Variants in PRKCB observed in about 807,000 individuals in gnomAD.
PRKCB encodes protein kinase C beta type.
In PRKCB, 13 loss-of-function variants were observed where a neutral mutation model predicts 81.5. That is an observed-to-expected ratio of 0.16 (90% CI 0.10 to 0.25). PRKCB has a LOEUF of 0.25. Among genes scored for constraint, PRKCB ranks in the 10% least tolerant of loss-of-function variants. The probability of loss-of-function intolerance (pLI) is 1.00; values close to 1 mark genes in which losing one functional copy is unlikely to be tolerated. For synonymous variants in PRKCB, 335 were observed against 321.4 expected, an observed-to-expected ratio of 1.04 and a Z score of -0.45; for missense variants, 509 against 875.7, an observed-to-expected ratio of 0.58 and a Z score of 5.29.
intron 2 of PRKCB, among the ~76,000 whole-genome samples, chr16:23,978,199 G>T (rs1263958914): frequency 1.3e-5 from 2 of 152,146 alleles, no homozygotes; most frequent in Non-Finnish European, 2.9e-5. Context: ...CCTATTTCAC[G>T]ACTCTGGACC....
At chr16:24,097,696 A>C (rs1338170412) in intron 7 of PRKCB, among the ~76,000 whole-genome samples, 2 of 152,158 alleles carry the variant, frequency 1.3e-5, no homozygotes, top group Non-Finnish European at 2.9e-5. Context: ...CATTTTAGGG[A>C]GACGTAAGAC....
chr16:23,882,021 T>TTCTTTCTTTCTTCCTTC lies in PRKCB; in HGVS notation c.205+44615_205+44616insTCTTTCTTTCTTCCTTC, dbSNP rs1555481692. Among the ~76,000 whole-genome samples the TTCTTTCTTTCTTCCTTC allele has an allele frequency of 6.8e-4, 38 of 55,636 alleles. 1 individual carries two copies. The highest frequency in any genetic ancestry group is 2.9e-3 in the Admixed American group (13 of 4,558). 36.5% of individuals were successfully genotyped at this position (55,636 alleles called of 152,430 possible). ...TTCTTTCTTTCTTTCTTTCTTTCTT[T>TTCTTTCTTTCTTCCTTC]CTTCCTTCCTTCCTTCCTTCCTTCC... On this transcript the variant is annotated intron_variant, in intron 2 of 16. Transcript: ENST00000643927.
In PRKCB at chr16:23,836,069, C is replaced by A; in HGVS notation, c.-107C>A. The A allele has an allele frequency of 1.2e-6, 1 of 840,176 alleles. No individual in the cohort carries two copies. The highest frequency in any genetic ancestry group is 1.4e-6 in the Non-Finnish European group (1 of 697,742). The allele number at this position is 840,176 out of a possible 1,614,324, so 52.0% of individuals were successfully genotyped here. On this transcript the variant is annotated 5_prime_UTR_variant, in exon 1 of 17. Transcript: ENST00000643927. ...CCGGCGCAGGGGAAGCGCCCGCGGC[C>A]CCGGGTGCAGCAGCGGCCGCCGCCT... is the stretch of plus-strand genomic sequence containing the variant.
intron 2 of PRKCB, among the ~76,000 whole-genome samples, chr16:23,949,700 A>G (rs1162425957): frequency 2.0e-5 from 3 of 152,176 alleles, no homozygotes; most frequent in Non-Finnish European, 4.4e-5. Flanking sequence ...AGAGTTTCCA[A>G]TTTAGTGGCA....
chr16:24,015,600 G>T (rs141247081), intron 3 of PRKCB, among the ~76,000 whole-genome samples: 1 of 152,216 alleles, frequency 6.6e-6, no homozygotes, highest in Non-Finnish European at 1.5e-5. Flanking sequence ...GGTGGCCATC[G>T]CCTGGTTACA....
intron 7 of PRKCB, chr16:24,099,321 T>C (rs569227149): frequency 1.3e-5 from 2 of 152,392 alleles, no homozygotes; most frequent in East Asian, 3.8e-4. Context: ...TGTGGTACTT[T>C]CTGAGCTTCA....
intron 2 of PRKCB, among the ~76,000 whole-genome samples, chr16:23,950,142 T>C (rs1482033637): frequency 6.9e-6 from 1 of 144,246 alleles, no homozygotes; most frequent in Non-Finnish European, 1.5e-5. Flanking sequence ...ATTTTTTTTT[T>C]TTTTTTTTTT....
chr16:24,209,355 C>T (rs1262067275), intron 16 of PRKCB, among the ~76,000 whole-genome samples: 4 of 152,238 alleles, frequency 2.6e-5, no homozygotes, highest in South Asian at 2.1e-4. Flanking sequence ...TGGATGACTG[C>T]GGCAGTCTCT....
chr16:24,187,718 G>T (rs907886621), intron 15 of PRKCB, among the ~76,000 whole-genome samples: 1 of 151,958 alleles, frequency 6.6e-6, no homozygotes, highest in African/African-American at 2.4e-5. Flanking sequence ...TCGCTCTGTC[G>T]CCCAGGCTAG....
At chr16:23,879,260 G>A (rs987807050) in intron 2 of PRKCB, among the ~76,000 whole-genome samples, 9 of 152,094 alleles carry the variant, frequency 5.9e-5, no homozygotes, top group African/African-American at 1.7e-4. Context: ...GGGCACACAG[G>A]AAGTAGAGAA....
At chr16:24,127,950 C>T (rs562187255) in intron 9 of PRKCB, among the ~76,000 whole-genome samples, 52 of 152,288 alleles carry the variant, frequency 3.4e-4, no homozygotes, top group African/African-American at 1.1e-3. Flanking sequence ...AGATCAATCT[C>T]CATAAACAGA....
At chr16:23,979,599 G>T (rs557274758) in intron 2 of PRKCB, among the ~76,000 whole-genome samples, 1 of 152,104 alleles carries the variant, frequency 6.6e-6, no homozygotes, top group Non-Finnish European at 1.5e-5. Context: ...AAAAGGTGTT[G>T]CGAAGGAAGA....
chr16:23,876,263 T>C (rs940297664), intron 2 of PRKCB, among the ~76,000 whole-genome samples: 2 of 152,234 alleles, frequency 1.3e-5, no homozygotes, highest in Non-Finnish European at 2.9e-5. Context: ...GTAATTTTAC[T>C]TGTAAGTGCC....
chr16:24,163,220 C>T (rs941828989), intron 10 of PRKCB, among the ~76,000 whole-genome samples: 2 of 152,196 alleles, frequency 1.3e-5, no homozygotes, highest in African/African-American at 4.8e-5. Context: ...AATTGGTGCT[C>T]ATGCCAGGTG....
intron 10 of PRKCB, among the ~76,000 whole-genome samples, chr16:24,157,987 A>G (rs1012955162): frequency 1.3e-5 from 2 of 152,220 alleles, no homozygotes; most frequent in Admixed American, 6.5e-5. Context: ...GTGGAGACCA[A>G]TGCAGAATCT....
chr16:24,183,471 G>A lies in PRKCB; in HGVS notation c.1534-1640G>A, dbSNP rs1175910831. Among the ~76,000 whole-genome samples, 4 of 152,242 alleles carry A rather than the reference G, an allele frequency of 2.6e-5. No individual in the cohort carries two copies. The East Asian group carries it at 7.7e-4, about 29-fold the overall frequency. On this transcript the variant is annotated intron_variant, in intron 13 of 16. Transcript: ENST00000643927. ...CTACTTAACTGAAATTTTGTATCCT[G>A]TAATCAACATCTCTGCATTTCTGAT...
chr16:24,151,092 A>G (rs1967074660), intron 9 of PRKCB, among the ~76,000 whole-genome samples: 1 of 152,250 alleles, frequency 6.6e-6, no homozygotes, highest in Admixed American at 6.5e-5. Context: ...TAGTTGCACT[A>G]TGAAATAAAA....
intron 11 of PRKCB, among the ~76,000 whole-genome samples, chr16:24,173,384 G>A (rs946799150): frequency 4.6e-5 from 7 of 152,184 alleles, no homozygotes; most frequent in Admixed American, 6.5e-5. Context: ...TCTCCAGAGA[G>A]CCCCCAGAGC....
chr16:23,889,478 A>G (rs1963257457), intron 2 of PRKCB, among the ~76,000 whole-genome samples: 1 of 152,244 alleles, frequency 6.6e-6, no homozygotes, highest in African/African-American at 2.4e-5. Context: ...TCACCTGTTT[A>G]TCATCTATAA....
Sources: allele counts gnomAD v4.1 joint callset (sites outside exome capture counted in the v4.1 genomes callset), GRCh38; gene constraint gnomAD v4.1.1; transcripts MANE v1.5; gene names NCBI Gene and HGNC (gene_info 2026-07-23, HGNC 2026-07-21).